The following CDHR2 variants were observed in gnomAD, a reference collection of about 807,000 sequenced individuals.
CDHR2 encodes cadherin-related family member 2.
In CDHR2, 104 loss-of-function variants were observed where a neutral mutation model predicts 138.6. The observed-to-expected ratio is 0.75, with a 90% CI of 0.64 to 0.88. CDHR2 has a LOEUF of 0.88. Ranked by LOEUF, CDHR2 falls within the 40% of genes least tolerant of loss-of-function variation. CDHR2 has a pLI of 0.00. For synonymous variants in CDHR2, 755 were observed against 742.8 expected (o/e 1.02, Z -0.27); for missense variants, 1,624 against 1,727.6 (o/e 0.94, Z 1.06).
intron 6 of CDHR2, among the ~76,000 whole-genome samples, chr5:176,572,125 T>C (rs1758249808): frequency 6.6e-6 from 1 of 151,320 alleles, no homozygotes; most frequent in Non-Finnish European, 1.5e-5. Flanking sequence ...GGCTCACTCC[T>C]GTAATACCAG....
At position 176,591,284 on chromosome 5, in the gene CDHR2, C is replaced by T. The variant is rs1414723731; in HGVS notation, c.3614C>T (p.Ala1205Val). ...ACAGCAGCAGGGGTGATGCCCTCAG[C>T]CCCTGCCATCCCAGGGACTAACATG... ...RKTAAGVMPS[A>V]PAIPGTNMYN... is the part of the protein sequence containing the mutation. The change falls in exon 29 of 32, where the codon GCC becomes GTC. Residue 1205 changes from alanine (A) to valine (V), a missense_variant. This residue lies in a region of CDHR2 where 556 missense variants were observed against 565.7 expected (regional missense o/e 0.98). Coordinates refer to ENST00000261944, the MANE Select transcript of CDHR2 (RefSeq NM_017675.6). 8 of 1,613,844 alleles carry T rather than the reference C, an allele frequency of 5.0e-6. No homozygotes were observed. The Admixed American group carries it at 1.0e-4, about 20-fold the overall frequency.
In CDHR2 at chr5:176,566,903, G is replaced by A. The variant is rs573935105; in HGVS notation, c.124+1160G>A. 2.4e-5 allele frequency: 11 copies of A among 455,932 alleles called. No homozygotes were observed. In the Admixed American group the frequency reaches 2.6e-4, roughly 11 times the overall value. 28.2% of individuals were successfully genotyped at this position (455,932 alleles called of 1,614,324 possible). A position where few individuals can be genotyped will look rare whatever the true frequency, so the allele number is the denominator to read the frequency against. ...GGGCTCCATTGTTCTCAGAAAAGGG[G>A]GACAAGTGGATATTGGGGGACAAGC... On this transcript the variant is annotated intron_variant, in intron 3 of 31. Transcript: ENST00000261944.
At chr5:176,565,648 T>C in intron 2 of CDHR2, 24 bp from the exon 3 acceptor site, 1 of 1,608,360 alleles carries the variant, frequency 6.2e-7, no homozygotes, top group South Asian at 1.1e-5. Context: ...TGTCCCGATG[T>C]TCCAGCACAC....
intron 6 of CDHR2, among the ~76,000 whole-genome samples, chr5:176,573,588 A>G (rs1410749948): frequency 6.6e-6 from 1 of 152,008 alleles, no homozygotes; most frequent in Admixed American, 6.6e-5. Flanking sequence ...CAGAGGTTAC[A>G]GTGAGCCGAG....
At position 176,590,227 on chromosome 5, in the gene CDHR2, G is replaced by A. The variant is rs771929438; in HGVS notation, c.3276-26G>A. 75 of 1,613,808 alleles carry A rather than the reference G, an allele frequency of 4.6e-5. 2 individuals are homozygous for A. In the South Asian group the frequency reaches 8.0e-4, roughly 17 times the overall value. ...GGCCTGCTGGGTGATCCAGGCTCCT[G>A]ACTCTTCAACTCTGTCCCGCTCCAG... On this transcript the variant is annotated intron_variant, in intron 25 of 31. Transcript: ENST00000261944.
Position 176,592,766 on chromosome 5 carries a change from A to T in CDHR2, c.3778A>T (p.Ser1260Cys). 6.2e-7 allele frequency: 1 copy of T among 1,613,848 alleles called. No individual in the cohort carries two copies. The highest frequency in any genetic ancestry group is 8.5e-7 in the Non-Finnish European group (1 of 1,179,850). ...DDNSVDVDKN[S>C]QEIKEHRPPH... is the part of the protein sequence containing the mutation. The stretch of plus-strand genomic sequence containing the variant: ...CAACTCTGTGGATGTGGACAAGAAC[A>T]GTCAGGAAATCAAGGCAAGATGGGG... Residue 1260 changes from serine (S) to cysteine (C), a missense_variant, in exon 31 of 32, where the codon AGT (serine) becomes TGT (cysteine). Coordinates refer to ENST00000261944, the MANE Select transcript of CDHR2 (RefSeq NM_017675.6).
chr5:176,564,387 C>G (rs1758035928), intron 1 of CDHR2, among the ~76,000 whole-genome samples: 1 of 152,148 alleles, frequency 6.6e-6, no homozygotes, highest in Non-Finnish European at 1.5e-5. Flanking sequence ...AGGGTTTCAC[C>G]ATGTTGGTCG....
rs921282160 is a variant in CDHR2, at chr5:176,594,282, G to A, written c.3793-1250G>A. 7.9e-5 allele frequency among the ~76,000 whole-genome samples: 12 copies of A among 152,316 alleles called. No individual in the cohort carries two copies. In the East Asian group the frequency reaches 1.5e-3, roughly 20 times the overall value. ...TGTCTCCTGCAGCAGTGAGTCTTGC[G>A]GGTCTCTGGGCAGGTCCACGAGGCA... On this transcript the variant is annotated intron_variant, in intron 31 of 31. Coordinates refer to ENST00000261944, the MANE Select transcript of CDHR2 (RefSeq NM_017675.6).
In CDHR2 at chr5:176,589,088, G is replaced by C. The variant is rs778289554; in HGVS notation, c.2914G>C (p.Asp972His). Residue 972 changes from aspartate to histidine, a missense_variant, in exon 22 of 32, where the codon GAC (aspartate) becomes CAC (histidine). Coordinates refer to ENST00000261944, the MANE Select transcript of CDHR2 (RefSeq NM_017675.6). ...CATCCTGTTCTCCATCCTCCGAGTA[G>C]ACTTCATCTCTAAGGACGGGGCCAC... is the stretch of plus-strand genomic sequence containing the variant. Reference protein sequence around the residue: ...GVILFSILRVDFISKDGATIP... With the variant: ...GVILFSILRVHFISKDGATIP... The C allele has an allele frequency of 1.2e-6, 2 of 1,613,996 alleles. No homozygotes were observed. Among genetic ancestry groups the C allele is most frequent in the African/African-American group, 1.3e-5 (1 of 74,914 alleles).
chr5:176,546,719 GA>G (rs1259848296), upstream of CDHR2, among the ~76,000 whole-genome samples: 1 of 119,674 alleles, frequency 8.4e-6, no homozygotes, highest in Non-Finnish European at 1.6e-5. Flanking sequence ...TCAGGAGTTT[GA>G]AACCAGCCTG....
intron 5 of CDHR2, among the ~76,000 whole-genome samples, chr5:176,570,235 A>T (rs535195346): frequency 4.6e-5 from 7 of 152,332 alleles, no homozygotes; most frequent in African/African-American, 1.7e-4. Flanking sequence ...TATGGTGGGA[A>T]CTGCCCTTAA....
Position 176,576,046 on chromosome 5 carries a change from A to C in CDHR2, c.1055A>C (p.Glu352Ala). The change falls in exon 12 of 32, where the codon GAG becomes GCG. Residue 352 changes from glutamate to alanine, a missense_variant. Coordinates refer to ENST00000261944, the MANE Select transcript of CDHR2 (RefSeq NM_017675.6). The surrounding 1 kb of genome is among the most constrained non-coding windows in gnomAD (Gnocchi z 4.5). ...ATGGACGTCAATGACCACAAACCTG[A>C]GTTTTACAACTGCAGCCTCCCAGCC... The part of the protein sequence containing the change: ...RVMDVNDHKP[E>A]FYNCSLPACT... The C allele has an allele frequency of 6.2e-7, 1 of 1,613,896 alleles. No individual in the cohort carries two copies. Among genetic ancestry groups the C allele is most frequent in the Non-Finnish European group, 8.5e-7 (1 of 1,180,006 alleles).
In CDHR2 at chr5:176,574,165, T is replaced by C; in HGVS notation, c.488T>C (p.Ile163Thr). 5 of 1,613,140 alleles carry C rather than the reference T, an allele frequency of 3.1e-6. No individual in the cohort carries two copies. Among genetic ancestry groups the C allele is most frequent in the Non-Finnish European group, 3.4e-6 (4 of 1,179,250 alleles). ...MGSAGMVVYSIEKVIPSTGDS... is the reference protein window; with the variant it reads ...MGSAGMVVYSTEKVIPSTGDS... ...TCTGCAGGCATGGTCGTGTACTCCATAGAGAAGGTGAGTGTGAAGGGGGCC... is the reference window on the plus strand; with the variant it reads ...TCTGCAGGCATGGTCGTGTACTCCACAGAGAAGGTGAGTGTGAAGGGGGCC... The change falls in exon 7 of 32, where the codon ATA (isoleucine) becomes ACA (threonine). Residue 163 changes from isoleucine (I) to threonine (T), a missense_variant. By Grantham distance (89) the Ile-to-Thr change is moderately conservative. Transcript: ENST00000261944.
chr5:176,573,626 G>A (rs1055257005), intron 6 of CDHR2, among the ~76,000 whole-genome samples: 5 of 150,118 alleles, frequency 3.3e-5, no homozygotes, highest in Admixed American at 6.6e-5. Context: ...CAGCCTGGGC[G>A]AAAGAGTGAA....
At chr5:176,571,384 T>C in intron 6 of CDHR2, 82 bp downstream of exon 6, 1 of 1,000,368 alleles carries the variant, frequency 1.0e-6, no homozygotes, top group Non-Finnish European at 1.4e-6. Flanking sequence ...AGACAGTCAG[T>C]GGGGCATTCA....
In CDHR2 at chr5:176,576,765, T is replaced by G. The variant is rs891594113; in HGVS notation, c.1194+580T>G. Among the ~76,000 whole-genome samples, 3 of 151,988 alleles carry G rather than the reference T, an allele frequency of 2.0e-5. No homozygotes were observed. Among genetic ancestry groups the G allele is most frequent in the African/African-American group, 7.3e-5 (3 of 41,376 alleles). On this transcript the variant is annotated intron_variant, in intron 12 of 31. Transcript: ENST00000261944. This position sits in a 1 kb window ranked among gnomAD's most constrained non-coding sequence, Gnocchi z 4.5. ...CTAATTTTTGTGTTTTTAGTAGAGA[T>G]GGAGTTTCACCATGTTGGCCAGGTT...
intron 1 of CDHR2, among the ~76,000 whole-genome samples, chr5:176,562,050 C>T (rs1276383859): frequency 6.6e-6 from 1 of 151,890 alleles, no homozygotes; most frequent in African/African-American, 2.4e-5. Context: ...AGTCTGTGGG[C>T]GTGCGGGAGA....
rs775453503 is a variant in CDHR2 at position 176,589,102 on chromosome 5, G to A, written c.2928G>A (p.Lys976=). The change falls in exon 22 of 32, where the codon AAG becomes AAA. Residue 976 remains lysine, a synonymous_variant. Coordinates refer to ENST00000261944, the MANE Select transcript of CDHR2 (RefSeq NM_017675.6). ...TCCTCCGAGTAGACTTCATCTCTAA[G>A]GACGGGGCCACCATCCCTTTCCAGG... ...FSILRVDFIS[K]DGATIPFQGV... is the part of the protein sequence containing the mutation. 1.9e-6 allele frequency: 3 copies of A among 1,614,152 alleles called. No homozygotes were observed. The highest frequency in any genetic ancestry group is 2.5e-6 in the Non-Finnish European group (3 of 1,180,006).
chr5:176,550,034 T>C (rs899354922), intron 1 of CDHR2, among the ~76,000 whole-genome samples: 25 of 152,246 alleles, frequency 1.6e-4, no homozygotes, highest in Non-Finnish European at 2.8e-4. Context: ...GCCTTGCACA[T>C]CTCTCTGCCC....
Sources: allele counts gnomAD v4.1 joint callset (sites outside exome capture counted in the v4.1 genomes callset), GRCh38; gene constraint gnomAD v4.1.1; regional missense constraint gnomAD v4.1.1; non-coding constraint Gnocchi (gnomAD v3.1); transcripts MANE v1.5; gene names NCBI Gene and HGNC (gene_info 2026-07-23, HGNC 2026-07-21).